The following TMEM41B variants were observed in gnomAD, a reference collection of about 807,000 sequenced individuals.
TMEM41B encodes the protein transmembrane protein 41B, also known as protein stasimon.
In TMEM41B, 18 loss-of-function variants were observed where a neutral mutation model predicts 31.9. The ratio of observed to expected loss-of-function variants is 0.56; its 90% CI spans 0.39 to 0.84. The LOEUF (loss-of-function observed/expected upper bound fraction) is 0.84, where lower values mean the gene tolerates loss of function less well. Ranked by LOEUF, TMEM41B falls within the 40% of genes least tolerant of loss-of-function variation. The pLI is 0.00. For missense variants in TMEM41B, 322 were observed against 348.0 expected, an observed-to-expected ratio of 0.93 and a Z score of 0.59; for synonymous variants, 144 against 124.3, an observed-to-expected ratio of 1.16 and a Z score of -1.05.
In TMEM41B at chr11:9,314,592, G is replaced by GCAACCT. The variant is rs1590395251; in HGVS notation, c.-152_-151insAGGTTG. 2 of 1,066,080 alleles carry GCAACCT rather than the reference G, an allele frequency of 1.9e-6. No individual in the cohort carries two copies. The highest frequency in any genetic ancestry group is 5.7e-5 in the East Asian group (2 of 35,162). The allele number at this position is 1,066,080 out of a possible 1,614,324, so 66.0% of individuals were successfully genotyped here. A position where few individuals can be genotyped will look rare whatever the true frequency, so the allele number is the denominator to read the frequency against. ...AGACGACCTCAGCCCAGCGAGTACT[G>GCAACCT]CAACCTCCTGCAAACACCCGCAGCG... On this transcript the variant is annotated 5_prime_UTR_variant, in exon 1 of 7. Transcript: ENST00000528080.
chr11:9,300,998 T>C (rs1739461748), intron 1 of TMEM41B, among the ~76,000 whole-genome samples: 1 of 152,106 alleles, frequency 6.6e-6, no homozygotes, highest in African/African-American at 2.4e-5. Context: ...CCAGGACAAC[T>C]TTACATTGCA....
chr11:9,291,769 C>T (rs943913267), intron 3 of TMEM41B, among the ~76,000 whole-genome samples: 6 of 151,760 alleles, frequency 4.0e-5, no homozygotes, highest in African/African-American at 9.7e-5. Context: ...AGGGCAGTGG[C>T]GTGATCTCAG....
At chr11:9,294,617 T>C (rs1387792879) in intron 3 of TMEM41B, among the ~76,000 whole-genome samples, 1 of 151,748 alleles carries the variant, frequency 6.6e-6, no homozygotes, top group Non-Finnish European at 1.5e-5. Context: ...TATTAACAAA[T>C]CAGAAATGAA....
chr11:9,307,831 C>T (rs995528653), intron 1 of TMEM41B, among the ~76,000 whole-genome samples: 1 of 151,954 alleles, frequency 6.6e-6, no homozygotes, highest in Admixed American at 6.5e-5. Flanking sequence ...CTGCAAGCTC[C>T]GCCTCCCAGG....
chr11:9,290,162 C>G (rs1006030881), intron 3 of TMEM41B, among the ~76,000 whole-genome samples: 3 of 152,080 alleles, frequency 2.0e-5, no homozygotes, highest in Admixed American at 6.6e-5. Flanking sequence ...AGGCGGATCA[C>G]AAAGTCAGGA....
intron 2 of TMEM41B, among the ~76,000 whole-genome samples, chr11:9,297,037 C>T (rs898178793): frequency 2.0e-5 from 3 of 152,196 alleles, no homozygotes; most frequent in African/African-American, 7.2e-5. Context: ...ATCCTCCCAC[C>T]TCAGACTACT....
intron 1 of TMEM41B, among the ~76,000 whole-genome samples, chr11:9,303,756 C>T (rs905063407): frequency 1.3e-5 from 2 of 151,050 alleles, no homozygotes; most frequent in Admixed American, 6.7e-5. Flanking sequence ...CAACCTCTGC[C>T]TCCCAGGTTC....
At chr11:9,310,038 A>ATTTTTTTTTTTT (rs202042952) in intron 1 of TMEM41B, among the ~76,000 whole-genome samples, 1 of 149,326 alleles carries the variant, frequency 6.7e-6, no homozygotes, top group Non-Finnish European at 1.5e-5. Context: ...TATTATTATT[A>ATTTTTTTTTTTT]TTATTATTTT....
chr11:9,298,844 A>C (rs1049561079), intron 2 of TMEM41B, among the ~76,000 whole-genome samples: 1 of 152,016 alleles, frequency 6.6e-6, no homozygotes, highest in Non-Finnish European at 1.5e-5. Context: ...CTTTGATATC[A>C]CATTTCACAG....
intron 1 of TMEM41B, 73 bp downstream of exon 1, chr11:9,314,248 C>T: frequency 6.7e-7 from 1 of 1,490,006 alleles, no homozygotes; most frequent in Non-Finnish European, 8.9e-7. Flanking sequence ...CCGAGAATAG[C>T]GGGGGTCCTT....
At chr11:9,285,450 A>C (rs1160209681) in intron 6 of TMEM41B, among the ~76,000 whole-genome samples, 1 of 152,166 alleles carries the variant, frequency 6.6e-6, no homozygotes, top group Non-Finnish European at 1.5e-5. Flanking sequence ...ATATTCTCAC[A>C]AGTATTAACT....
At chr11:9,296,617 A>AG (rs1853094383) in intron 2 of TMEM41B, among the ~76,000 whole-genome samples, 1 of 151,476 alleles carries the variant, frequency 6.6e-6, no homozygotes, top group Non-Finnish European at 1.5e-5. Context: ...AAAAAAAAAA[A>AG]AAAAAAGAAA....
Position 9,286,373 on chromosome 11 carries a change from G to A in TMEM41B, c.706+82C>T, listed in dbSNP as rs1564959538. The A allele has an allele frequency of 1.0e-5, 14 of 1,376,854 alleles. No individual in the cohort carries two copies. The South Asian group carries it at 1.8e-4, about 18-fold the overall frequency. 85.3% of individuals were successfully genotyped at this position (1,376,854 alleles called of 1,614,324 possible). On this transcript the variant is annotated intron_variant, in intron 6 of 6. Coordinates refer to ENST00000528080, the MANE Select transcript of TMEM41B (RefSeq NM_015012.4). ...ATGGTGCTGGCATAATCTGCAGAGA[G>A]CATGCATGTAATCTAGCCCAGCTGG... is the stretch of plus-strand genomic sequence containing the variant.
At chr11:9,291,942 G>A (rs1027590881) in intron 3 of TMEM41B, among the ~76,000 whole-genome samples, 3 of 152,080 alleles carry the variant, frequency 2.0e-5, no homozygotes, top group East Asian at 1.9e-4. Flanking sequence ...TCCAGACCTC[G>A]TGATCCACCT....
intron 3 of TMEM41B, among the ~76,000 whole-genome samples, chr11:9,289,354 G>C (rs796984172): frequency 3.7e-4 from 55 of 150,678 alleles, no homozygotes; most frequent in African/African-American, 1.3e-3. Flanking sequence ...GTCGTTCCCA[G>C]TTTGGATCTG....
Position 9,283,367 on chromosome 11 carries a change from G to C in TMEM41B, c.*57C>G. ...AGGTGATTTTAAAACATAAATGGAT[G>C]CACCTGTTAATCCTGAGATGGTGAT... On this transcript the variant is annotated 3_prime_UTR_variant, in exon 7 of 7. Coordinates refer to ENST00000528080, the MANE Select transcript of TMEM41B (RefSeq NM_015012.4). 3 of 1,338,220 alleles carry C rather than the reference G, an allele frequency of 2.2e-6. No individual in the cohort carries two copies. The highest frequency in any genetic ancestry group is 3.1e-6 in the Non-Finnish European group (3 of 969,568). 82.9% of individuals were successfully genotyped at this position (1,338,220 alleles called of 1,614,324 possible).
intron 1 of TMEM41B, among the ~76,000 whole-genome samples, chr11:9,300,184 A>G (rs1420673806): frequency 6.6e-6 from 1 of 152,178 alleles, no homozygotes; most frequent in African/African-American, 2.4e-5. Flanking sequence ...TAATAACTGG[A>G]TATATTACTT....
chr11:9,314,137 C>T (rs113082564), intron 1 of TMEM41B, among the ~76,000 whole-genome samples, 184 bp downstream of exon 1: 1 of 152,260 alleles, frequency 6.6e-6, no homozygotes, highest in African/African-American at 2.4e-5. Context: ...CGCACCTACT[C>T]GGCGTCCGGC....
At chr11:9,305,487 C>G (rs547250766) in intron 1 of TMEM41B, among the ~76,000 whole-genome samples, 1 of 152,188 alleles carries the variant, frequency 6.6e-6, no homozygotes, top group Non-Finnish European at 1.5e-5. Context: ...GTAGTCCCAG[C>G]CACTGGGGAG....
Sources: allele counts gnomAD v4.1 joint callset (sites outside exome capture counted in the v4.1 genomes callset), GRCh38; gene constraint gnomAD v4.1.1; transcripts MANE v1.5; gene names NCBI Gene and HGNC (gene_info 2026-07-23, HGNC 2026-07-21).